The following PIK3CA variants were observed in gnomAD, a reference collection of about 807,000 sequenced individuals.
The protein encoded by PIK3CA is phosphatidylinositol 4,5-bisphosphate 3-kinase catalytic subunit alpha isoform.
Under a neutral mutation model 138.2 loss-of-function variants are expected in PIK3CA, and 27 were observed. The ratio of observed to expected loss-of-function variants is 0.20; its 90% CI spans 0.14 to 0.27. PIK3CA has a LOEUF of 0.27. PIK3CA is among the 10% of genes least tolerant of loss of function. The probability of loss-of-function intolerance (pLI) is 1.00; values close to 1 mark genes in which losing one functional copy is unlikely to be tolerated. For missense variants in PIK3CA, 544 were observed against 1,277.4 expected, an observed-to-expected ratio of 0.43 and a Z score of 8.75; for synonymous variants, 358 against 413.2, an observed-to-expected ratio of 0.87 and a Z score of 1.62.
At chr3:179,211,791 A>T (rs1460074019) in intron 9 of PIK3CA, among the ~76,000 whole-genome samples, 3 of 152,160 alleles carry the variant, frequency 2.0e-5, no homozygotes, top group Non-Finnish European at 4.4e-5. Context: ...ATTTTTCATC[A>T]TGTTTAGTGC....
intron 1 of PIK3CA, among the ~76,000 whole-genome samples, chr3:179,188,552 CAG>C (rs1380072685): frequency 1.3e-5 from 2 of 152,106 alleles, no homozygotes; most frequent in African/African-American, 4.8e-5. Context: ...AAAATGCAAA[CAG>C]AGTTTTCAGT....
chr3:179,166,231 G>A (rs1481306659), intron 1 of PIK3CA, among the ~76,000 whole-genome samples: 1 of 152,202 alleles, frequency 6.6e-6, no homozygotes, highest in Non-Finnish European at 1.5e-5. Context: ...TACCCAGCTT[G>A]TAAGCGTAGG....
intron 1 of PIK3CA, among the ~76,000 whole-genome samples, chr3:179,180,080 C>A (rs1382322959): frequency 6.6e-6 from 1 of 151,924 alleles, no homozygotes; most frequent in East Asian, 1.9e-4. Flanking sequence ...TGAGTCAAGG[C>A]TGTATTGCAT....
Position 179,234,827 on chromosome 3 carries a change from G to T in PIK3CA, c.*463G>T. On this transcript the variant is annotated 3_prime_UTR_variant, in exon 21 of 21. Transcript: ENST00000263967. This position sits in a 1 kb window ranked among gnomAD's most constrained non-coding sequence, Gnocchi z 5.1. ...AGTTTATGTTAAATTACATTGATTGGAAAAGAATGAAAATTTCTTATTTTT... is the reference window on the plus strand; with the variant it reads ...AGTTTATGTTAAATTACATTGATTGTAAAAGAATGAAAATTTCTTATTTTT... The T allele has an allele frequency of 8.6e-6, 2 of 231,944 alleles. No homozygotes were observed. Among genetic ancestry groups the T allele is most frequent in the Non-Finnish European group, 1.7e-5 (2 of 117,092 alleles). 14.4% of individuals were successfully genotyped at this position (231,944 alleles called of 1,614,324 possible).
At chr3:179,193,845 C>T (rs1447868725) in intron 1 of PIK3CA, among the ~76,000 whole-genome samples, 1 of 152,168 alleles carries the variant, frequency 6.6e-6, no homozygotes, top group Admixed American at 6.5e-5. Flanking sequence ...AGAGTGGTTT[C>T]TTGACCCTTA....
At chr3:179,162,293 T>A (rs565968550) in intron 1 of PIK3CA, among the ~76,000 whole-genome samples, 5 of 152,252 alleles carry the variant, frequency 3.3e-5, no homozygotes, top group African/African-American at 1.2e-4. Context: ...AAGGATAATT[T>A]CTACTTGTAG....
intron 6 of PIK3CA, among the ~76,000 whole-genome samples, chr3:179,206,165 C>T (rs1382283111): frequency 7.4e-6 from 1 of 135,130 alleles, no homozygotes; most frequent in African/African-American, 2.8e-5. Context: ...GTAAGCGATT[C>T]TCCTGCCTCA....
chr3:179,174,327 T>C (rs1723641124), intron 1 of PIK3CA, among the ~76,000 whole-genome samples: 3 of 151,682 alleles, frequency 2.0e-5, no homozygotes, highest in Non-Finnish European at 4.4e-5. Flanking sequence ...AAAAATTAGC[T>C]GGGCATGGTG....
At chr3:179,231,517 T>C (rs1197840391) in intron 20 of PIK3CA, among the ~76,000 whole-genome samples, 1 of 151,646 alleles carries the variant, frequency 6.6e-6, no homozygotes, top group East Asian at 1.9e-4. Context: ...TGGTATCTCA[T>C]TGTGGTTTTA....
chr3:179,169,836 G>T (rs1723506637), intron 1 of PIK3CA, among the ~76,000 whole-genome samples: 1 of 152,168 alleles, frequency 6.6e-6, no homozygotes, highest in African/African-American at 2.4e-5. Flanking sequence ...CAAAAAAACT[G>T]CAAGCCAATC....
chr3:179,178,248 T>A (rs2108368180), intron 1 of PIK3CA, among the ~76,000 whole-genome samples: 1 of 140,742 alleles, frequency 7.1e-6, no homozygotes, highest in East Asian at 2.0e-4. Context: ...AGTGCGACCT[T>A]GTCTCTAAAG....
rs2108434271 is a variant in PIK3CA at position 179,239,470 on chromosome 3, A to T, written c.*5106A>T. On this transcript the variant is annotated 3_prime_UTR_variant, in exon 21 of 21. Coordinates refer to ENST00000263967, the MANE Select transcript of PIK3CA (RefSeq NM_006218.4). Reference sequence around the variant, plus strand: ...TTAATTTTGTTTTTATTTCATTTTTAAAAGTCCCTTGTTCAATTTAACTTA... The same window carrying T: ...TTAATTTTGTTTTTATTTCATTTTTTAAAGTCCCTTGTTCAATTTAACTTA... 4.9e-6 allele frequency: 1 copy of T among 203,186 alleles called. No homozygotes were observed. The highest frequency in any genetic ancestry group is 1.6e-3 in the Middle Eastern group (1 of 608). 12.6% of individuals were successfully genotyped at this position (203,186 alleles called of 1,614,324 possible). A position where few individuals can be genotyped will look rare whatever the true frequency, so the allele number is the denominator to read the frequency against.
Position 179,216,514 on chromosome 3 carries a change from T to C in PIK3CA, c.1540-1696T>C, listed in dbSNP as rs1392968995. Among the ~76,000 whole-genome samples the C allele has an allele frequency of 2.6e-5, 4 of 152,192 alleles. No individual in the cohort carries two copies. The East Asian group carries it at 5.8e-4, about 22-fold the overall frequency. ...TGTGACTAGAAGGAAAAAGATGATATAGAAATAAAATAACTCCTTGAGTTG... is the reference window on the plus strand; with the variant it reads ...TGTGACTAGAAGGAAAAAGATGATACAGAAATAAAATAACTCCTTGAGTTG... On this transcript the variant is annotated intron_variant, in intron 9 of 20. Coordinates refer to ENST00000263967, the MANE Select transcript of PIK3CA (RefSeq NM_006218.4).
intron 1 of PIK3CA, among the ~76,000 whole-genome samples, chr3:179,164,130 T>G (rs1723354066): frequency 6.6e-6 from 1 of 152,156 alleles, no homozygotes; most frequent in South Asian, 2.1e-4. Context: ...GATACAAAAT[T>G]ATGTATACTA....
intron 7 of PIK3CA, 139 bp downstream of exon 7, chr3:179,209,839 T>G (rs1023242371): frequency 4.3e-6 from 2 of 466,694 alleles, no homozygotes; most frequent in Non-Finnish European, 7.4e-6. Context: ...TTTTAATAAA[T>G]GTATCATGGA....
intron 1 of PIK3CA, among the ~76,000 whole-genome samples, chr3:179,186,156 T>C (rs1306040893): frequency 1.3e-5 from 2 of 152,162 alleles, no homozygotes; most frequent in African/African-American, 4.8e-5. Context: ...CTTTGGAGAT[T>C]CCAAGGAATT....
chr3:179,181,395 T>C (rs890156028), intron 1 of PIK3CA, among the ~76,000 whole-genome samples: 6 of 152,146 alleles, frequency 3.9e-5, no homozygotes, highest in African/African-American at 1.4e-4. Flanking sequence ...CACTGTTATT[T>C]AGATCTTAGT....
chr3:179,181,280 A>T (rs1404347891), intron 1 of PIK3CA, among the ~76,000 whole-genome samples: 3 of 152,058 alleles, frequency 2.0e-5, no homozygotes, highest in African/African-American at 7.2e-5. Flanking sequence ...TAAGTTTCAT[A>T]TTCTGACCAA....
chr3:179,152,414 T>C lies in PIK3CA; in HGVS notation c.-77+3811T>C, dbSNP rs574654409. 4.6e-5 allele frequency among the ~76,000 whole-genome samples: 7 copies of C among 152,324 alleles called. No individual in the cohort carries two copies. The East Asian group carries it at 1.4e-3, about 29-fold the overall frequency. The stretch of plus-strand genomic sequence containing the variant: ...GGATTGTACGAGGTGCTCTACATGG[T>C]TCTCAGTGATCTAGCCTTAAAATTC... On this transcript the variant is annotated intron_variant, in intron 1 of 20. Coordinates refer to ENST00000263967, the MANE Select transcript of PIK3CA (RefSeq NM_006218.4).
Sources: gnomAD v4.1 joint callset for allele counts (sites outside exome capture counted in the v4.1 genomes callset) on GRCh38, gnomAD v4.1.1 for gene constraint, Gnocchi (gnomAD v3.1) non-coding constraint, MANE v1.5 for transcripts, NCBI Gene and HGNC (gene_info 2026-07-23, HGNC 2026-07-21) for gene names.